Variants in ORC5 observed in about 807,000 individuals in gnomAD.
ORC5 encodes protein phosphatase 1, regulatory subunit 117.
Under a neutral mutation model 58.8 loss-of-function variants are expected in ORC5, and 39 were observed. The observed-to-expected ratio is 0.66, with a 90% CI of 0.51 to 0.87. The LOEUF (loss-of-function observed/expected upper bound fraction) is 0.87. Ranked by LOEUF, ORC5 falls within the 40% of genes least tolerant of loss-of-function variation. The probability of loss-of-function intolerance (pLI) is 0.00; values close to 1 mark genes in which losing one functional copy is unlikely to be tolerated. For synonymous variants in ORC5, 218 were observed against 177.6 expected (o/e 1.23, Z -1.81); for missense variants, 493 against 506.3 (o/e 0.97, Z 0.25).
chr7:104,132,050 G>A (rs941232272), intron 13 of ORC5, among the ~76,000 whole-genome samples: 2 of 152,032 alleles, frequency 1.3e-5, no homozygotes, highest in Admixed American at 6.5e-5. Context: ...TTAAATAAAC[G>A]AATGAAAAAC....
chr7:104,182,073 G>T (rs554955668), intron 8 of ORC5, among the ~76,000 whole-genome samples: 1 of 152,278 alleles, frequency 6.6e-6, no homozygotes, highest in East Asian at 1.9e-4. Flanking sequence ...GCCTAGACTA[G>T]ATTCTAAATT....
At chr7:104,205,086 C>CTTTTTTTTTTTTTTTT (rs10672012) in intron 1 of ORC5, among the ~76,000 whole-genome samples, 12 of 99,448 alleles carry the variant, frequency 1.2e-4, no homozygotes, top group African/African-American at 3.0e-4. Context: ...TAATAATACT[C>CTTTTTTTTTTTTTTTT]TTTTTTTTTT....
At chr7:104,204,027 G>C in intron 2 of ORC5, 115 bp downstream of exon 2, 1 of 534,136 alleles carries the variant, frequency 1.9e-6, no homozygotes, top group Non-Finnish European at 3.4e-6. Context: ...AATATGGGAA[G>C]GAGAGTAATG....
At chr7:104,160,944 C>G in intron 12 of ORC5, 128 bp downstream of exon 12, 1 of 605,314 alleles carries the variant, frequency 1.7e-6, no homozygotes, top group Non-Finnish European at 2.9e-6. Flanking sequence ...TTACCAAAAA[C>G]ATGGTTCATT....
At chr7:104,193,106 A>G (rs754139210) in intron 5 of ORC5, among the ~76,000 whole-genome samples, 2 of 152,108 alleles carry the variant, frequency 1.3e-5, no homozygotes, top group African/African-American at 4.8e-5. Context: ...TGATGAAACT[A>G]TACACCCACA....
rs574288684 is a variant in ORC5, at chr7:104,143,215, TATA to T, written c.1150-6325_1150-6323del. On this transcript the variant is annotated intron_variant, in intron 12 of 13. Coordinates refer to ENST00000297431, the MANE Select transcript of ORC5 (RefSeq NM_002553.4). ...CTGTACTTTGCCACTGACATTTCCT[TATA>T]ATATTTCTCATAACTGATACTTTCC... 5.7e-4 allele frequency among the ~76,000 whole-genome samples: 86 copies of T among 152,140 alleles called. 1 individual carries two copies. Among genetic ancestry groups the T allele is most frequent in the Admixed American group, 2.4e-3 (36 of 15,270 alleles).
intron 5 of ORC5, among the ~76,000 whole-genome samples, chr7:104,191,136 C>A (rs111882699): frequency 0.02 from 2,416 of 121,536 alleles, 57 homozygotes; most frequent in African/African-American, 0.064. Flanking sequence ...AAAAAAAAAG[C>A]CAAAACTTCC....
chr7:104,163,695 G>A (rs960476407), intron 11 of ORC5, among the ~76,000 whole-genome samples: 4 of 152,096 alleles, frequency 2.6e-5, no homozygotes, highest in Non-Finnish European at 5.9e-5. Context: ...GTTTCACCAT[G>A]TTAGCCAGAA....
rs1562803503 is a variant in ORC5 at position 104,138,073 on chromosome 7, C to T, written c.1150-1180G>A. Among the ~76,000 whole-genome samples, 1 of 152,216 alleles carries T rather than the reference C, an allele frequency of 6.6e-6. No homozygotes were observed. Among genetic ancestry groups the T allele is most frequent in the African/African-American group, 2.4e-5 (1 of 41,452 alleles). ...GCCCCACAACCTGCCCGTCTGCATG[C>T]TCCCATTAGAGGTTTGAGCAGCGGG... On this transcript the variant is annotated intron_variant, in intron 12 of 13. Coordinates refer to ENST00000297431, the MANE Select transcript of ORC5 (RefSeq NM_002553.4). This position sits in a 1 kb window ranked among gnomAD's most constrained non-coding sequence, Gnocchi z 4.7.
At chr7:104,187,564 A>T (rs872861) in intron 6 of ORC5, 6,838 of 172,878 alleles carry the variant, frequency 0.04, 501 homozygotes, top group African/African-American at 0.15. Context: ...AATGGAGATA[A>T]GATCTTAATT....
chr7:104,146,395 C>A (rs150840963), intron 12 of ORC5, among the ~76,000 whole-genome samples: 1 of 144,348 alleles, frequency 6.9e-6, no homozygotes, highest in Non-Finnish European at 1.5e-5. Flanking sequence ...AGCCAAAAAA[C>A]GGGAAAGAAC....
intron 13 of ORC5, among the ~76,000 whole-genome samples, chr7:104,134,926 G>C (rs1322145604): frequency 6.6e-6 from 1 of 152,086 alleles, no homozygotes; most frequent in Admixed American, 6.6e-5. Context: ...TGGGAAGTAG[G>C]GAACAGTAAA....
At chr7:104,141,431 G>A (rs1244239045) in intron 12 of ORC5, among the ~76,000 whole-genome samples, 3 of 151,824 alleles carry the variant, frequency 2.0e-5, no homozygotes, top group African/African-American at 7.3e-5. Flanking sequence ...TAGTTTAAGA[G>A]AAAAAAACAT....
At chr7:104,130,446 C>G (rs913163046) in intron 13 of ORC5, among the ~76,000 whole-genome samples, 1 of 152,156 alleles carries the variant, frequency 6.6e-6, no homozygotes, top group African/African-American at 2.4e-5. Flanking sequence ...ATGTTTAACT[C>G]TCTACTGTAC....
At chr7:104,207,454 G>A (rs1004734353) in intron 1 of ORC5, among the ~76,000 whole-genome samples, 1 of 152,150 alleles carries the variant, frequency 6.6e-6, no homozygotes, top group Non-Finnish European at 1.5e-5. Flanking sequence ...TCCAACTACC[G>A]CACAGAAACG....
chr7:104,167,206 C>T (rs1285354677), intron 9 of ORC5, among the ~76,000 whole-genome samples: 1 of 152,140 alleles, frequency 6.6e-6, no homozygotes, highest in African/African-American at 2.4e-5. Flanking sequence ...CTTATTTCTA[C>T]TATGAATTCC....
chr7:104,139,771 T>G (rs186825824), intron 12 of ORC5, among the ~76,000 whole-genome samples: 3 of 152,158 alleles, frequency 2.0e-5, no homozygotes. Context: ...GTTATGTTCT[T>G]TGTTACATGT....
At chr7:104,132,354 CTA>C (rs1335173979) in intron 13 of ORC5, among the ~76,000 whole-genome samples, 1 of 152,144 alleles carries the variant, frequency 6.6e-6, no homozygotes, top group African/African-American at 2.4e-5. Context: ...TTCAATAACT[CTA>C]TAAAAATACA....
intron 8 of ORC5, among the ~76,000 whole-genome samples, chr7:104,181,643 T>G (rs1562821577): frequency 6.6e-6 from 1 of 151,736 alleles, no homozygotes; most frequent in Non-Finnish European, 1.5e-5. Flanking sequence ...AAAAAAAAAT[T>G]TAGCCAGGTG....
Sources: allele counts gnomAD v4.1 joint callset (sites outside exome capture counted in the v4.1 genomes callset), GRCh38; gene constraint gnomAD v4.1.1; non-coding constraint Gnocchi (gnomAD v3.1); transcripts MANE v1.5; gene names NCBI Gene and HGNC (gene_info 2026-07-23, HGNC 2026-07-21).